NCL: variants seen among roughly 807,000 people sequenced by gnomAD.
NCL encodes the protein nucleolin multifunctional protein.
A neutral mutation model predicts 77.7 loss-of-function variants in NCL; 4 were observed. The ratio of observed to expected loss-of-function variants is 0.05; its 90% CI spans 0.03 to 0.12. The LOEUF is 0.12. Among genes scored for constraint, NCL ranks in the 10% least tolerant of loss-of-function variants. The pLI is 1.00. For missense variants in NCL, 763 were observed against 860.9 expected (o/e 0.89, Z 1.42); for synonymous variants, 344 against 297.8 (o/e 1.16, Z -1.60).
At chr2:231,461,306 T>A (rs1406453252) in intron 3 of NCL, among the ~76,000 whole-genome samples, 2 of 151,610 alleles carry the variant, frequency 1.3e-5, no homozygotes, top group Non-Finnish European at 2.9e-5. Flanking sequence ...AAAAATCACT[T>A]AGAAACAAAA....
In NCL at chr2:231,463,192, A is replaced by T. The variant is rs1375261236; in HGVS notation, c.135+8T>A. 6.4e-6 allele frequency: 10 copies of T among 1,565,052 alleles called. No individual in the cohort carries two copies. The highest frequency in any genetic ancestry group is 7.8e-6 in the Non-Finnish European group (9 of 1,150,122). On this transcript the variant is annotated splice_region_variant and intron_variant, in intron 2 of 13. Transcript: ENST00000322723. ...AACATAATTCTGCATTAAGTTGGATAAAATTACCTCTTCTCCACTGCTATC... is the reference window on the plus strand; with the variant it reads ...AACATAATTCTGCATTAAGTTGGATTAAATTACCTCTTCTCCACTGCTATC...
Position 231,461,609 on chromosome 2 carries a change from G to A in NCL, c.544C>T (p.Pro182Ser). 2 of 1,603,130 alleles carry A rather than the reference G, an allele frequency of 1.2e-6. No homozygotes were observed. The highest frequency in any genetic ancestry group is 1.7e-6 in the Non-Finnish European group (2 of 1,170,014). ...PAAMKAAAAA[P>S]ASEDEDDEDD... Reference sequence around the variant, plus strand: ...TCATCGTCCTCATCCTCTGAGGCAGGGGCAGCAGCTGCTGCTTTCATCGCT... The same window carrying A: ...TCATCGTCCTCATCCTCTGAGGCAGAGGCAGCAGCTGCTGCTTTCATCGCT... Residue 182 changes from proline to serine, a missense_variant, in exon 3 of 14, where the codon CCT becomes TCT. This residue lies in a region of NCL where 590 missense variants were observed against 570.5 expected (regional missense o/e 1.03). Transcript: ENST00000322723.
In NCL at chr2:231,460,817, A is replaced by G; in HGVS notation, c.663T>C (p.Ala221=). 6.2e-7 allele frequency: 1 copy of G among 1,614,126 alleles called. No individual in the cohort carries two copies. Among genetic ancestry groups the G allele is most frequent in the East Asian group, 2.2e-5 (1 of 44,876 alleles). ...TGGCTTTCACAGGAACAACTTTTGC[A>G]GCTTTCTTTCCTTTGGCTGGTGTAG... ...METTPAKGKK[A]AKVVPVKAKN... The change falls in exon 4 of 14, where the codon GCT becomes GCC. Residue 221 remains alanine (A), a synonymous_variant. Coordinates refer to ENST00000322723, the MANE Select transcript of NCL (RefSeq NM_005381.3).
rs776416155 is a variant in NCL at position 231,463,214 on chromosome 2, T to C, written c.121A>G (p.Ser41Gly). 6.2e-7 allele frequency: 1 copy of C among 1,607,242 alleles called. No homozygotes were observed. Among genetic ancestry groups the C allele is most frequent in the South Asian group, 1.1e-5 (1 of 89,900 alleles). Residue 41 changes from serine to glycine, a missense_variant, in exon 2 of 14, where the codon AGC becomes GGC. Transcript: ENST00000322723. ...GATAAAATTACCTCTTCTCCACTGC[T>C]ATCATCTTCTTCATCTTCTGACATT... is the stretch of plus-strand genomic sequence containing the variant. ...EEMSEDEEDD[S>G]SGEEVVIPQK...
At chr2:231,456,377 A>C in intron 11 of NCL, 1 of 898,038 alleles carries the variant, frequency 1.1e-6, no homozygotes, top group South Asian at 1.4e-5. Context: ...GAAGCAACCC[A>C]AGCAGGTGGG....
rs2046898161 is a variant in NCL at position 231,457,131 on chromosome 2, A to G, written c.1448-7T>C. ...ACCAGAGTTTTTGATTCACCTGCAA[A>G]TAGAGATGCCACATTCCTAAGACTC... On this transcript the variant is annotated splice_region_variant and splice_polypyrimidine_tract_variant and intron_variant, in intron 9 of 13. Coordinates refer to ENST00000322723, the MANE Select transcript of NCL (RefSeq NM_005381.3). 2.5e-6 allele frequency: 4 copies of G among 1,613,650 alleles called. No homozygotes were observed. Among genetic ancestry groups the G allele is most frequent in the Non-Finnish European group, 3.4e-6 (4 of 1,179,888 alleles).
Position 231,464,306 on chromosome 2 carries a change from AC to A in NCL, c.18+29del, listed in dbSNP as rs2046980023. The A allele has an allele frequency of 4.4e-6, 7 of 1,579,560 alleles. No homozygotes were observed. The South Asian group carries it at 6.9e-5, about 16-fold the overall frequency. On this transcript the variant is annotated intron_variant, in intron 1 of 13. Transcript: ENST00000322723. ...CTCGCCCCTCGGAAAGCAGGCCTAC[AC>A]GTCTGCGCTCGCGCTCAAGGCCGTT...
chr2:231,457,279 T>A (rs1343412834), intron 9 of NCL, 155 bp from the exon 10 acceptor site: 1 of 1,052,672 alleles, frequency 9.5e-7, no homozygotes, highest in African/African-American at 1.6e-5. Context: ...CTCAACATAT[T>A]AAGTACCTAG....
rs778782800 is a variant in NCL at position 231,461,753 on chromosome 2, C to A, written c.400G>T (p.Ala134Ser). Residue 134 changes from alanine to serine, a missense_variant, in exon 3 of 14, where the codon GCA (alanine) becomes TCA (serine). By Grantham distance (99) the Ala-to-Ser change is moderately conservative. This residue lies in a region of NCL where 590 missense variants were observed against 570.5 expected (regional missense o/e 1.03). Coordinates refer to ENST00000322723, the MANE Select transcript of NCL (RefSeq NM_005381.3). ...KKGAAIPAKG[A>S]KNGKNAKKED... ...TTCTTGGCATTCTTGCCATTCTTTG[C>A]CCCCTTGGCTGGGATGGCAGCACCC... 1 of 1,614,248 alleles carries A rather than the reference C, an allele frequency of 6.2e-7. No homozygotes were observed. The highest frequency in any genetic ancestry group is 8.5e-7 in the Non-Finnish European group (1 of 1,180,048).
At chr2:231,457,507 G>A in intron 9 of NCL, 136 bp downstream of exon 9, 1 of 881,024 alleles carries the variant, frequency 1.1e-6, no homozygotes, top group Admixed American at 2.2e-5. Flanking sequence ...AGTATGACTT[G>A]GGGTATCATG....
intron 6 of NCL, 98 bp downstream of exon 6, chr2:231,460,054 T>C: frequency 7.7e-7 from 1 of 1,301,682 alleles, no homozygotes; most frequent in South Asian, 1.4e-5. Flanking sequence ...GTTTACAGTA[T>C]TCATGTTTAA....
At position 231,453,624 on chromosome 2, in the gene NCL, T is replaced by A. The variant is rs1449853737; in HGVS notation, c.*1567A>T. On this transcript the variant is annotated 3_prime_UTR_variant, in exon 14 of 14. Coordinates refer to ENST00000322723, the MANE Select transcript of NCL (RefSeq NM_005381.3). ...CTTAGGCTTGCCTCATAGGAGACCCTCCCACTGCTTTTTCATCGTAGTTAC... is the reference window on the plus strand; with the variant it reads ...CTTAGGCTTGCCTCATAGGAGACCCACCCACTGCTTTTTCATCGTAGTTAC... 1 of 154,076 alleles carries A rather than the reference T, an allele frequency of 6.5e-6. No individual in the cohort carries two copies. The highest frequency in any genetic ancestry group is 1.4e-5 in the Non-Finnish European group (1 of 69,236). The allele number at this position is 154,076 out of a possible 1,614,324, so 9.5% of individuals were successfully genotyped here.
intron 5 of NCL, 21 bp downstream of exon 5, chr2:231,460,457 T>C: frequency 1.2e-6 from 2 of 1,607,860 alleles, no homozygotes; most frequent in Non-Finnish European, 1.7e-6. Flanking sequence ...CTCCCCCATA[T>C]CCCCTAATTC....
chr2:231,464,394 G>C lies in NCL; in HGVS notation c.-41C>G. On this transcript the variant is annotated 5_prime_UTR_variant, in exon 1 of 14. Transcript: ENST00000322723. ...TGAAGCGGACAAGTGGCGCAGATGA[G>C]TCCAGAAGAAGCCAAGCGACGGCGA... 1 of 1,594,574 alleles carries C rather than the reference G, an allele frequency of 6.3e-7. No homozygotes were observed. The highest frequency in any genetic ancestry group is 8.5e-7 in the Non-Finnish European group (1 of 1,169,738).
In NCL at chr2:231,454,908, G is replaced by A. The variant is rs1278628082; in HGVS notation, c.*283C>T. The A allele has an allele frequency of 3.4e-5, 9 of 268,376 alleles. No homozygotes were observed. The highest frequency in any genetic ancestry group is 6.6e-5 in the African/African-American group (3 of 45,176). The allele number at this position is 268,376 out of a possible 1,614,324, so 16.6% of individuals were successfully genotyped here. A position where few individuals can be genotyped will look rare whatever the true frequency, so the allele number is the denominator to read the frequency against. Reference sequence around the variant, plus strand: ...AACAACAACAAAACCCAAACTATTTGTAGGAAAAAATGGTTTTGTACATGG... The same window carrying A: ...AACAACAACAAAACCCAAACTATTTATAGGAAAAAATGGTTTTGTACATGG... On this transcript the variant is annotated 3_prime_UTR_variant, in exon 14 of 14. Transcript: ENST00000322723.
chr2:231,462,381 A>G (rs117856380), intron 2 of NCL, among the ~76,000 whole-genome samples: 1 of 152,190 alleles, frequency 6.6e-6, no homozygotes, highest in African/African-American at 2.4e-5. Context: ...TCAGAACCTT[A>G]CACATAGGAG....
At position 231,458,516 on chromosome 2, in the gene NCL, G is replaced by A. The variant is rs574279339; in HGVS notation, c.1166-127C>T. The stretch of plus-strand genomic sequence containing the variant: ...TAATTTGAGATCCTATAATGTACAA[G>A]GCTCGGTGCTAAATATGGAGATATA... On this transcript the variant is annotated intron_variant, in intron 7 of 13. Coordinates refer to ENST00000322723, the MANE Select transcript of NCL (RefSeq NM_005381.3). The A allele has an allele frequency of 6.0e-4, 717 of 1,202,522 alleles. 15 individuals carry two copies. The South Asian group carries it at 0.01, about 17-fold the overall frequency. 74.5% of individuals were successfully genotyped at this position (1,202,522 alleles called of 1,614,324 possible). A position where few individuals can be genotyped will look rare whatever the true frequency, so the allele number is the denominator to read the frequency against.
In NCL at chr2:231,454,434, C is replaced by T. The variant is rs1027384525; in HGVS notation, c.*757G>A. On this transcript the variant is annotated 3_prime_UTR_variant, in exon 14 of 14. Coordinates refer to ENST00000322723, the MANE Select transcript of NCL (RefSeq NM_005381.3). ...GTGTTGGGATTACAGGAGTTAGCCA[C>T]TGCTCTTCCCTGAAGCTCTTCCTTG... 1 of 152,396 alleles carries T rather than the reference C, an allele frequency of 6.6e-6. No homozygotes were observed. Among genetic ancestry groups the T allele is most frequent in the African/African-American group, 2.4e-5 (1 of 41,452 alleles). The allele number at this position is 152,396 out of a possible 1,614,324, so 9.4% of individuals were successfully genotyped here.
chr2:231,463,546 T>C (rs2046971897), intron 1 of NCL: 3 of 513,242 alleles, frequency 5.8e-6, no homozygotes, highest in South Asian at 2.5e-5. Flanking sequence ...TGCCCTAAGG[T>C]AAAAAGTCAA....
Sources: gnomAD v4.1 joint callset for allele counts (sites outside exome capture counted in the v4.1 genomes callset) on GRCh38, gnomAD v4.1.1 for gene constraint, gnomAD v4.1.1 regional missense constraint, MANE v1.5 for transcripts, NCBI Gene and HGNC (gene_info 2026-07-23, HGNC 2026-07-21) for gene names.